The following BIRC6 variants were observed in gnomAD, a reference collection of about 807,000 sequenced individuals.
BIRC6 encodes dual E2 ubiquitin-conjugating enzyme/E3 ubiquitin-protein ligase BIRC6.
A neutral mutation model predicts 503.3 loss-of-function variants in BIRC6; 98 were observed. The observed-to-expected ratio is 0.19, with a 90% confidence interval of 0.17 to 0.23. The LOEUF (loss-of-function observed/expected upper bound fraction) is 0.23. BIRC6 is among the 10% of genes least tolerant of loss of function. The probability of loss-of-function intolerance (pLI) is 1.00; values close to 1 mark genes in which losing one functional copy is unlikely to be tolerated. For synonymous variants in BIRC6, 2,240 were observed against 2,078.7 expected (o/e 1.08, Z -2.11); for missense variants, 5,360 against 5,806.0 (o/e 0.92, Z 2.50).
intron 1 of BIRC6, among the ~76,000 whole-genome samples, chr2:32,370,723 A>G (rs1257491019): frequency 1.3e-5 from 2 of 152,124 alleles, no homozygotes; most frequent in East Asian, 1.9e-4. Flanking sequence ...GTGGGTACAT[A>G]GTAGGTGTAT....
intron 2 of BIRC6, among the ~76,000 whole-genome samples, chr2:32,378,693 T>C (rs749538847): frequency 2.0e-5 from 3 of 152,038 alleles, no homozygotes; most frequent in East Asian, 1.9e-4. Flanking sequence ...CTGACTTCAA[T>C]TGATCCGCCC....
chr2:32,487,766 A>G lies in BIRC6; in HGVS notation c.7933A>G (p.Lys2645Glu). Residue 2645 changes from lysine (K) to glutamate (E), a missense_variant, in exon 41 of 74, where the codon AAA (lysine) becomes GAA (glutamate). Physicochemically the swap from Lys to Glu is moderately conservative, Grantham distance 56. Around this residue, in one of 16 missense-constraint regions of BIRC6, gnomAD observed 2,299 missense variants for 2,267.2 expected, o/e 1.01. Transcript: ENST00000421745. ...SVPMLNVCFN[K>E]LFSMLQVHHV... The stretch of plus-strand genomic sequence containing the variant: ...CCCAATGTTAAATGTTTGTTTCAAC[A>G]AACTTTTTTCCATGCTTCAAGTCCA... The G allele has an allele frequency of 1.2e-6, 2 of 1,613,420 alleles. No homozygotes were observed. The highest frequency in any genetic ancestry group is 1.7e-6 in the Non-Finnish European group (2 of 1,179,454).
chr2:32,440,799 G>C (rs1215432397), intron 16 of BIRC6, among the ~76,000 whole-genome samples: 1 of 142,460 alleles, frequency 7.0e-6, no homozygotes, highest in Admixed American at 7.0e-5. Context: ...GTCTTGCTCT[G>C]TTGCCCAGGC....
At chr2:32,369,091 T>G (rs2035402004) in intron 1 of BIRC6, among the ~76,000 whole-genome samples, 1 of 152,208 alleles carries the variant, frequency 6.6e-6, no homozygotes, top group East Asian at 1.9e-4. Flanking sequence ...TGAGTAAAGA[T>G]CTGCATGATG....
At chr2:32,526,619 GTGAA>G (rs1372731167) in intron 59 of BIRC6, 2 of 153,176 alleles carry the variant, frequency 1.3e-5, no homozygotes, top group Non-Finnish European at 2.9e-5. Flanking sequence ...GCTGCAAGTG[GTGAA>G]TAGAGGTTAA....
chr2:32,472,606 G>A (rs565758941), intron 32 of BIRC6, among the ~76,000 whole-genome samples: 3 of 152,086 alleles, frequency 2.0e-5, no homozygotes, highest in South Asian at 2.1e-4. Context: ...GTGTTATTGG[G>A]CCCAAATTGA....
chr2:32,597,424 T>C (rs530196013), intron 68 of BIRC6, among the ~76,000 whole-genome samples: 25 of 152,348 alleles, frequency 1.6e-4, no homozygotes, highest in African/African-American at 5.8e-4. Flanking sequence ...TTTGAGTTAA[T>C]AGACCCTGTC....
chr2:32,460,153 TATATG>T (rs1280309266), intron 23 of BIRC6, among the ~76,000 whole-genome samples: 7 of 144,228 alleles, frequency 4.9e-5, no homozygotes, highest in Non-Finnish European at 1.1e-4. Flanking sequence ...TTATATTATA[TATATG>T]ATATATCTGA....
chr2:32,465,868 G>C (rs1418260851), intron 26 of BIRC6, among the ~76,000 whole-genome samples: 1 of 152,002 alleles, frequency 6.6e-6, no homozygotes, highest in Non-Finnish European at 1.5e-5. Context: ...TTTCCTCTTT[G>C]TAAGAGGGAG....
Position 32,367,203 on chromosome 2 carries a change from C to T in BIRC6, c.325+9717C>T, listed in dbSNP as rs575837365. On this transcript the variant is annotated intron_variant, in intron 1 of 73. Coordinates refer to ENST00000421745, the MANE Select transcript of BIRC6 (RefSeq NM_016252.4). ...GTGGCCTGGGCATGGTGGCTCATGC[C>T]TGTAATCCCAGCACTTTGGGAGACC... is the stretch of plus-strand genomic sequence containing the variant. Among the ~76,000 whole-genome samples the T allele has an allele frequency of 7.9e-5, 12 of 152,014 alleles. 1 individual carries two copies. The South Asian group carries it at 2.5e-3, about 32-fold the overall frequency.
intron 12 of BIRC6, among the ~76,000 whole-genome samples, chr2:32,431,923 T>C (rs888566885): frequency 3.3e-5 from 5 of 152,176 alleles, no homozygotes; most frequent in Admixed American, 6.5e-5. Flanking sequence ...GGAAATTGCA[T>C]GTAAGAGTGA....
intron 65 of BIRC6, among the ~76,000 whole-genome samples, chr2:32,567,587 A>G (rs1481670375): frequency 6.6e-6 from 1 of 152,236 alleles, no homozygotes; most frequent in Non-Finnish European, 1.5e-5. Context: ...AGGAAGTATC[A>G]TGGGATAATG....
chr2:32,592,519 C>T (rs760999039), intron 66 of BIRC6, among the ~76,000 whole-genome samples: 3 of 151,856 alleles, frequency 2.0e-5, no homozygotes, highest in Non-Finnish European at 4.4e-5. Context: ...TGAATAGCTT[C>T]TGAGCAGATT....
intron 54 of BIRC6, 90 bp downstream of exon 54, chr2:32,513,244 A>G: frequency 1.1e-6 from 1 of 872,102 alleles, no homozygotes; most frequent in Non-Finnish European, 1.8e-6. Flanking sequence ...CATGTTTATT[A>G]GGAGAAACAT....
At chr2:32,390,069 AGGCT>A (rs1026618219) in intron 4 of BIRC6, among the ~76,000 whole-genome samples, 12 of 152,152 alleles carry the variant, frequency 7.9e-5, no homozygotes, top group African/African-American at 2.9e-4. Flanking sequence ...TGTGTTGGTC[AGGCT>A]GGTGTCGAAC....
intron 41 of BIRC6, among the ~76,000 whole-genome samples, chr2:32,488,267 C>G (rs2051248902): frequency 6.6e-6 from 1 of 151,700 alleles, no homozygotes; most frequent in Admixed American, 6.6e-5. Flanking sequence ...GGCTTGAGCC[C>G]AGGAGTTCAA....
At chr2:32,588,877 T>C (rs1309046412) in intron 66 of BIRC6, among the ~76,000 whole-genome samples, 1 of 152,218 alleles carries the variant, frequency 6.6e-6, no homozygotes, top group Non-Finnish European at 1.5e-5. Flanking sequence ...TCTGTGAAGA[T>C]GGGACCCTTT....
intron 57 of BIRC6, chr2:32,522,720 A>C (rs2149832742): frequency 6.6e-6 from 1 of 152,292 alleles, no homozygotes; most frequent in South Asian, 2.1e-4. Context: ...AAAGCATTTT[A>C]TTCCCTGAAA....
chr2:32,367,193 T>C (rs926474049), intron 1 of BIRC6, among the ~76,000 whole-genome samples: 2 of 151,148 alleles, frequency 1.3e-5, no homozygotes, highest in Non-Finnish European at 3.0e-5. Flanking sequence ...CTGGGCATGG[T>C]GGCTCATGCC....
Sources: allele counts gnomAD v4.1 joint callset (sites outside exome capture counted in the v4.1 genomes callset), GRCh38; gene constraint gnomAD v4.1.1; regional missense constraint gnomAD v4.1.1; transcripts MANE v1.5; gene names NCBI Gene and HGNC (gene_info 2026-07-23, HGNC 2026-07-21).